CNTNAP5: variants seen among roughly 807,000 people sequenced by gnomAD.
CNTNAP5 encodes the protein contactin-associated protein-like 5.
Under a neutral mutation model 150.2 loss-of-function variants are expected in CNTNAP5, and 72 were observed. The ratio of observed to expected loss-of-function variants is 0.48; its 90% CI spans 0.40 to 0.58. The LOEUF is 0.58. Among genes scored for constraint, CNTNAP5 ranks in the 20% least tolerant of loss-of-function variants. The pLI is 0.00. For missense variants in CNTNAP5, 1,636 were observed against 1,626.2 expected, an observed-to-expected ratio of 1.01 and a Z score of -0.10; for synonymous variants, 672 against 619.8, an observed-to-expected ratio of 1.08 and a Z score of -1.25.
chr2:124,837,365 A>T (rs1383831565), intron 19 of CNTNAP5, among the ~76,000 whole-genome samples: 1 of 152,122 alleles, frequency 6.6e-6, no homozygotes, highest in Non-Finnish European at 1.5e-5. Flanking sequence ...CAACAAAAAG[A>T]TGAGGTAGGA....
At chr2:124,510,301 C>CTATATCTATATATCTATATATCTA (rs1553474656) in intron 8 of CNTNAP5, among the ~76,000 whole-genome samples, 3,966 of 106,022 alleles carry the variant, frequency 0.037, 312 homozygotes, top group Non-Finnish European at 0.049. Flanking sequence ...ATCTATATAT[C>CTATATCTATATATCTATATATCTA]TATATATATA....
intron 10 of CNTNAP5, among the ~76,000 whole-genome samples, chr2:124,556,573 C>T (rs1248822965): frequency 3.9e-5 from 6 of 152,050 alleles, no homozygotes; most frequent in South Asian, 2.1e-4. Flanking sequence ...GGGTCAAGAA[C>T]GGAAGCTGGA....
Position 124,171,153 on chromosome 2 carries a change from T to A in CNTNAP5, c.83-50552T>A, listed in dbSNP as rs148101046. ...ACAGGATAGAGTTACAGCAGCGATA[T>A]AAAATGTTGGCTTTCATCGAGTAAT... On this transcript the variant is annotated intron_variant, in intron 1 of 23. Transcript: ENST00000682447. Among the ~76,000 whole-genome samples the A allele has an allele frequency of 2.5e-3, 381 of 152,348 alleles. 1 individual carries two copies. The highest frequency in any genetic ancestry group is 8.6e-3 in the African/African-American group (358 of 41,584).
chr2:124,783,904 A>G (rs990700992), intron 17 of CNTNAP5, among the ~76,000 whole-genome samples: 7 of 152,228 alleles, frequency 4.6e-5, no homozygotes, highest in Non-Finnish European at 8.8e-5. Context: ...TAAGGAAATC[A>G]CATTTTGAAA....
At chr2:124,835,389 A>C (rs1682808242) in intron 19 of CNTNAP5, among the ~76,000 whole-genome samples, 1 of 152,134 alleles carries the variant, frequency 6.6e-6, no homozygotes, top group Admixed American at 6.6e-5. Flanking sequence ...TGTATAAAAA[A>C]ATCCTTTTAA....
At chr2:124,328,052 A>G (rs1432228462) in intron 3 of CNTNAP5, among the ~76,000 whole-genome samples, 1 of 152,224 alleles carries the variant, frequency 6.6e-6, no homozygotes, top group East Asian at 1.9e-4. Context: ...TCTGAAAAGA[A>G]TGTTTTAAGA....
chr2:124,474,638 A>G (rs1693597578), intron 6 of CNTNAP5, 101 bp from the exon 7 acceptor site: 1 of 946,922 alleles, frequency 1.1e-6, no homozygotes, highest in Non-Finnish European at 1.5e-6. Context: ...CATTTGGCTC[A>G]AGCATACAAT....
chr2:124,274,029 A>G (rs1172166640), intron 3 of CNTNAP5, among the ~76,000 whole-genome samples: 3 of 152,208 alleles, frequency 2.0e-5, no homozygotes, highest in Non-Finnish European at 4.4e-5. Flanking sequence ...TCATTAAAAA[A>G]GCTCAAAGAG....
chr2:124,309,885 A>G (rs1688780696), intron 3 of CNTNAP5, among the ~76,000 whole-genome samples: 1 of 152,180 alleles, frequency 6.6e-6, no homozygotes, highest in Non-Finnish European at 1.5e-5. Context: ...TCTGAAATAC[A>G]TATTTATCCT....
At chr2:124,303,649 T>G (rs1688616723) in intron 3 of CNTNAP5, among the ~76,000 whole-genome samples, 1 of 152,142 alleles carries the variant, frequency 6.6e-6, no homozygotes, top group African/African-American at 2.4e-5. Context: ...GTAAAAAAGG[T>G]TTAAAAGAGC....
chr2:124,681,339 G>T (rs1679064074), intron 13 of CNTNAP5, among the ~76,000 whole-genome samples: 1 of 149,464 alleles, frequency 6.7e-6, no homozygotes, highest in African/African-American at 2.5e-5. Context: ...CAGCCATGTT[G>T]TGGGCATGGG....
At chr2:124,907,270 A>G (rs1678557210) in intron 22 of CNTNAP5, among the ~76,000 whole-genome samples, 1 of 152,096 alleles carries the variant, frequency 6.6e-6, no homozygotes. Context: ...GGTACAGTGT[A>G]GCATATTTAG....
At chr2:124,557,044 T>C (rs1322359028) in intron 10 of CNTNAP5, among the ~76,000 whole-genome samples, 1 of 151,410 alleles carries the variant, frequency 6.6e-6, no homozygotes, top group African/African-American at 2.4e-5. Context: ...AGTTGCATCA[T>C]GCATAAGGGT....
At chr2:124,743,079 C>T (rs925971657) in intron 13 of CNTNAP5, among the ~76,000 whole-genome samples, 1 of 152,046 alleles carries the variant, frequency 6.6e-6, no homozygotes, top group East Asian at 1.9e-4. Context: ...GAGTTTTTCC[C>T]CATTTGCTTC....
chr2:124,149,263 T>C (rs978436758), intron 1 of CNTNAP5, among the ~76,000 whole-genome samples: 1 of 151,972 alleles, frequency 6.6e-6, no homozygotes, highest in African/African-American at 2.4e-5. Flanking sequence ...TATTTAATTT[T>C]GATAAATGAG....
chr2:124,217,103 C>A (rs1335977605), intron 1 of CNTNAP5, among the ~76,000 whole-genome samples: 1 of 152,082 alleles, frequency 6.6e-6, no homozygotes, highest in Non-Finnish European at 1.5e-5. Flanking sequence ...AAATACTAGG[C>A]CAATGCATCT....
intron 19 of CNTNAP5, among the ~76,000 whole-genome samples, chr2:124,859,315 C>T (rs1378753325): frequency 7.2e-5 from 11 of 152,048 alleles, no homozygotes; most frequent in Non-Finnish European, 1.6e-4. Context: ...AAAATGCTCA[C>T]CATCACTGGC....
intron 1 of CNTNAP5, among the ~76,000 whole-genome samples, chr2:124,050,534 G>T (rs943767150): frequency 6.6e-6 from 1 of 151,940 alleles, no homozygotes; most frequent in Non-Finnish European, 1.5e-5. Context: ...AGAAAGGAAG[G>T]TCGGGATAAG....
chr2:124,593,315 G>A (rs1230294831), intron 11 of CNTNAP5, among the ~76,000 whole-genome samples: 1 of 122,632 alleles, frequency 8.2e-6, no homozygotes, highest in African/African-American at 3.1e-5. Context: ...TCCCCAGAGT[G>A]TGATATTCCC....
Sources: allele counts gnomAD v4.1 joint callset (sites outside exome capture counted in the v4.1 genomes callset), GRCh38; gene constraint gnomAD v4.1.1; transcripts MANE v1.5; gene names NCBI Gene and HGNC (gene_info 2026-07-23, HGNC 2026-07-21).